SYNJ2BP: variants seen among roughly 807,000 people sequenced by gnomAD.
SYNJ2BP encodes the protein synaptojanin 2 binding protein.
A neutral mutation model predicts 16.9 loss-of-function variants in SYNJ2BP; 10 were observed. The observed-to-expected ratio is 0.59, with a 90% CI of 0.36 to 1.00. The LOEUF (loss-of-function observed/expected upper bound fraction) is 1.00. Ranked by LOEUF, SYNJ2BP falls within the 50% of genes least tolerant of loss-of-function variation. The probability of loss-of-function intolerance (pLI) is 0.01; values close to 1 mark genes in which losing one functional copy is unlikely to be tolerated. For synonymous variants in SYNJ2BP, 54 were observed against 68.4 expected, an observed-to-expected ratio of 0.79 and a Z score of 1.04; for missense variants, 162 against 186.7, an observed-to-expected ratio of 0.87 and a Z score of 0.77.
intron 1 of SYNJ2BP, among the ~76,000 whole-genome samples, chr14:70,402,845 C>T (rs917903443): frequency 6.6e-6 from 1 of 152,130 alleles, no homozygotes; most frequent in African/African-American, 2.4e-5. Flanking sequence ...TAGCACTTAG[C>T]TGGCTACTTT....
intron 1 of SYNJ2BP, among the ~76,000 whole-genome samples, chr14:70,409,535 A>G (rs775989323): frequency 4.6e-5 from 7 of 152,156 alleles, no homozygotes; most frequent in Non-Finnish European, 7.3e-5. Context: ...AGTAATTCCT[A>G]GATATTTTAC....
chr14:70,382,617 G>A (rs943426725), intron 2 of SYNJ2BP, among the ~76,000 whole-genome samples: 1 of 152,150 alleles, frequency 6.6e-6, no homozygotes, highest in Admixed American at 6.5e-5. Context: ...GAAGCTACTC[G>A]GCTGAGTAAT....
intron 2 of SYNJ2BP, among the ~76,000 whole-genome samples, chr14:70,380,052 T>C (rs1188058914): frequency 2.0e-5 from 3 of 152,214 alleles, no homozygotes; most frequent in Admixed American, 6.5e-5. Flanking sequence ...CTGTTCATCT[T>C]ACATGTATTA....
At chr14:70,392,267 T>A (rs1887995407) in intron 1 of SYNJ2BP, among the ~76,000 whole-genome samples, 1 of 152,248 alleles carries the variant, frequency 6.6e-6, no homozygotes. Context: ...ACAGTTCCTA[T>A]TTTAACCACA....
chr14:70,372,928 T>C lies in SYNJ2BP; in HGVS notation c.*63A>G. ...AGAGAGAGGGAAAGACATGGCAGAA[T>C]AGCAGGGGTGGAGGGTGAGTGAAAT... On this transcript the variant is annotated 3_prime_UTR_variant, in exon 4 of 4. Transcript: ENST00000256366. 1.3e-6 allele frequency: 2 copies of C among 1,596,204 alleles called. No homozygotes were observed. Among genetic ancestry groups the C allele is most frequent in the South Asian group, 2.3e-5 (2 of 88,124 alleles).
chr14:70,388,400 G>T, intron 2 of SYNJ2BP, 70 bp downstream of exon 2: 1 of 1,409,100 alleles, frequency 7.1e-7, no homozygotes, highest in South Asian at 1.9e-5. Flanking sequence ...CAAGGAAAAG[G>T]GATAGGGAGG....
intron 2 of SYNJ2BP, among the ~76,000 whole-genome samples, chr14:70,383,898 T>C (rs918222610): frequency 3.9e-5 from 6 of 152,114 alleles, no homozygotes; most frequent in Admixed American, 1.3e-4. Flanking sequence ...CTTTCTTAAG[T>C]TTAAATCATC....
Position 70,395,483 on chromosome 14 carries a change from CT to C in SYNJ2BP, c.65-6878del, listed in dbSNP as rs372156633. Among the ~76,000 whole-genome samples, 28 of 137,046 alleles carry C rather than the reference CT, an allele frequency of 2.0e-4. No homozygotes were observed. In the East Asian group the frequency reaches 4.3e-3, roughly 21 times the overall value. 89.9% of individuals were successfully genotyped at this position (137,046 alleles called of 152,430 possible). On this transcript the variant is annotated intron_variant, in intron 1 of 3. Transcript: ENST00000256366. The stretch of plus-strand genomic sequence containing the variant: ...AAACTCCATTGGATACACAACCCCC[CT>C]GTCTGTCTTTTATGAAGACTAGAGT...
chr14:70,391,160 G>A (rs1887973376), intron 1 of SYNJ2BP, among the ~76,000 whole-genome samples: 1 of 152,008 alleles, frequency 6.6e-6, no homozygotes, highest in South Asian at 2.1e-4. Context: ...AGCATACCTT[G>A]TGCATAAAAT....
At chr14:70,377,861 T>C (rs1887666621) in intron 2 of SYNJ2BP, among the ~76,000 whole-genome samples, 2 of 152,240 alleles carry the variant, frequency 1.3e-5, no homozygotes, top group Admixed American at 1.3e-4. Flanking sequence ...TCCCATCTTC[T>C]TTCCTCTTTC....
intron 1 of SYNJ2BP, among the ~76,000 whole-genome samples, chr14:70,398,868 C>T (rs548113534): frequency 2.8e-4 from 42 of 152,102 alleles, no homozygotes; most frequent in Non-Finnish European, 4.9e-4. Context: ...GTCGCCCTGG[C>T]GCTGAGGGGT....
At chr14:70,405,183 C>G (rs1208009286) in intron 1 of SYNJ2BP, among the ~76,000 whole-genome samples, 1 of 151,824 alleles carries the variant, frequency 6.6e-6, no homozygotes, top group African/African-American at 2.4e-5. Context: ...AAATTTCTGT[C>G]TTAAGGTAGA....
chr14:70,392,813 T>C (rs1309198608), intron 1 of SYNJ2BP, among the ~76,000 whole-genome samples: 1 of 152,154 alleles, frequency 6.6e-6, no homozygotes, highest in Non-Finnish European at 1.5e-5. Flanking sequence ...GACCAACCAA[T>C]TGAAACAGAT....
chr14:70,413,454 C>A (rs560973946), intron 1 of SYNJ2BP, among the ~76,000 whole-genome samples: 1 of 152,162 alleles, frequency 6.6e-6, no homozygotes, highest in Non-Finnish European at 1.5e-5. Flanking sequence ...GCCTGGTCAA[C>A]GTGGTGAAAC....
At chr14:70,375,809 G>C (rs755173926) in intron 2 of SYNJ2BP, 38 bp from the exon 3 acceptor site, 1 of 1,596,682 alleles carries the variant, frequency 6.3e-7, no homozygotes, top group African/African-American at 1.4e-5. Context: ...AAGGAAGAAG[G>C]CTATTAGAAG....
chr14:70,374,937 T>A, intron 3 of SYNJ2BP, among the ~76,000 whole-genome samples: 1 of 62,870 alleles, frequency 1.6e-5, no homozygotes, highest in East Asian at 5.6e-4. Context: ...TCTTAAAATT[T>A]TTTATTTATT....
intron 1 of SYNJ2BP, among the ~76,000 whole-genome samples, chr14:70,402,644 G>A (rs1464502915): frequency 6.7e-6 from 1 of 148,968 alleles, no homozygotes; most frequent in Admixed American, 6.8e-5. Flanking sequence ...ACCAGCCTGG[G>A]TAACATAATG....
intron 1 of SYNJ2BP, among the ~76,000 whole-genome samples, chr14:70,403,628 C>T (rs913135140): frequency 6.6e-6 from 1 of 152,172 alleles, no homozygotes; most frequent in Non-Finnish European, 1.5e-5. Context: ...AGGAAATTAC[C>T]CTATATGGTC....
chr14:70,375,888 G>A (rs1887619721), intron 2 of SYNJ2BP, 117 bp from the exon 3 acceptor site: 2 of 1,290,650 alleles, frequency 1.5e-6, no homozygotes, highest in Non-Finnish European at 2.1e-6. Context: ...GCAAGGACTA[G>A]GAGTATGGGC....
Sources: gnomAD v4.1 joint callset for allele counts (sites outside exome capture counted in the v4.1 genomes callset) on GRCh38, gnomAD v4.1.1 for gene constraint, MANE v1.5 for transcripts, NCBI Gene and HGNC (gene_info 2026-07-23, HGNC 2026-07-21) for gene names.